The following WWOX variants were observed in gnomAD, a reference collection of about 807,000 sequenced individuals.
The protein encoded by WWOX is WW domain-containing oxidoreductase.
Under a neutral mutation model 46.2 loss-of-function variants are expected in WWOX, and 69 were observed. That is an observed-to-expected ratio of 1.49 (90% confidence interval 1.23 to 1.82). The LOEUF (loss-of-function observed/expected upper bound fraction) is 1.82. WWOX is among the 40% of genes most tolerant of loss of function. WWOX has a pLI of 0.00. For synonymous variants in WWOX, 359 were observed against 202.6 expected (o/e 1.77, Z -6.56); for missense variants, 919 against 542.6 (o/e 1.69, Z -6.89).
chr16:79,096,302 G>A (rs1490423120), intron 8 of WWOX, among the ~76,000 whole-genome samples: 1 of 152,020 alleles, frequency 6.6e-6, no homozygotes, highest in East Asian at 1.9e-4. Context: ...CTTTCTGAAG[G>A]CGTCCCCTGT....
intron 8 of WWOX, among the ~76,000 whole-genome samples, chr16:79,053,637 G>A (rs577852240): frequency 7.9e-5 from 12 of 152,238 alleles, no homozygotes; most frequent in Non-Finnish European, 1.3e-4. Flanking sequence ...TTTCTTTAAT[G>A]TTTTAAATAA....
intron 8 of WWOX, among the ~76,000 whole-genome samples, chr16:78,928,414 G>A (rs552374510): frequency 6.6e-6 from 1 of 151,966 alleles, no homozygotes; most frequent in South Asian, 2.1e-4. Flanking sequence ...GTGTTAGCCA[G>A]GATGGTCTCG....
intron 5 of WWOX, among the ~76,000 whole-genome samples, chr16:78,368,295 G>GT (rs1397650455): frequency 1.3e-5 from 2 of 152,172 alleles, no homozygotes; most frequent in Admixed American, 1.3e-4. Flanking sequence ...TCCTATATGA[G>GT]TGATGACAGG....
intron 1 of WWOX, among the ~76,000 whole-genome samples, chr16:78,107,192 C>A (rs371509286): frequency 1.4e-4 from 22 of 152,280 alleles, no homozygotes; most frequent in African/African-American, 5.3e-4. Flanking sequence ...TTAGGAAACG[C>A]AGCCTACCCT....
chr16:78,968,773 G>C (rs1281575270), intron 8 of WWOX, among the ~76,000 whole-genome samples: 1 of 152,132 alleles, frequency 6.6e-6, no homozygotes, highest in Admixed American at 6.5e-5. Context: ...GAAGATTAAA[G>C]CTATTGGAGA....
In WWOX at chr16:79,211,828, C is replaced by G. The variant is rs749461655; in HGVS notation, c.*32C>G. 6 of 1,613,024 alleles carry G rather than the reference C, an allele frequency of 3.7e-6. No homozygotes were observed. Among genetic ancestry groups the G allele is most frequent in the Non-Finnish European group, 5.1e-6 (6 of 1,179,780 alleles). On this transcript the variant is annotated 3_prime_UTR_variant, in exon 9 of 9. Transcript: ENST00000566780. ...CTCAGAGCGGATGGGCACACACACC[C>G]GCCCTGTGTGTGTCCCCTCACGCAA...
At position 78,652,304 on chromosome 16, in the gene WWOX, G is replaced by A. The variant is rs546368557; in HGVS notation, c.1056+219552G>A. ...AGCACCTGTAATCCCAGCTACTCGG[G>A]AGCCTGAGGCAGGAGAATCACTTGA... On this transcript the variant is annotated intron_variant, in intron 8 of 8. Transcript: ENST00000566780. Among the ~76,000 whole-genome samples, 447 of 150,668 alleles carry A rather than the reference G, an allele frequency of 3.0e-3. 3 individuals carry two copies. The highest frequency in any genetic ancestry group is 0.011 in the African/African-American group (437 of 41,018).
intron 8 of WWOX, among the ~76,000 whole-genome samples, chr16:78,962,647 C>G (rs1245971462): frequency 2.0e-5 from 3 of 152,116 alleles, no homozygotes; most frequent in South Asian, 2.1e-4. Flanking sequence ...CAGAATCTAA[C>G]TTGAGATGTA....
intron 5 of WWOX, chr16:78,168,319 G>A (rs979303964): frequency 6.6e-6 from 1 of 152,152 alleles, no homozygotes; most frequent in African/African-American, 2.4e-5. Flanking sequence ...CCAGCAGAAT[G>A]CTATTCTCAC....
chr16:78,647,364 C>CAA, intron 8 of WWOX, among the ~76,000 whole-genome samples: 1 of 152,188 alleles, frequency 6.6e-6, no homozygotes, highest in African/African-American at 2.4e-5. Flanking sequence ...CTCCTTCCAC[C>CAA]TGGGAGACTG....
At chr16:78,739,597 G>A (rs1176155014) in intron 8 of WWOX, among the ~76,000 whole-genome samples, 1 of 152,112 alleles carries the variant, frequency 6.6e-6, no homozygotes, top group Non-Finnish European at 1.5e-5. Flanking sequence ...AATCACCTGA[G>A]GTTAGGAGTT....
chr16:78,378,487 A>G (rs1221920122), intron 5 of WWOX, among the ~76,000 whole-genome samples: 3 of 152,152 alleles, frequency 2.0e-5, no homozygotes, highest in African/African-American at 4.8e-5. Flanking sequence ...CACCGTTACC[A>G]TTACTTAAAT....
At chr16:78,825,740 C>G in intron 8 of WWOX, 1 of 583,070 alleles carries the variant, frequency 1.7e-6, no homozygotes, top group Non-Finnish European at 3.3e-6. Flanking sequence ...TGTGGATGGC[C>G]TGATGATCCC....
intron 8 of WWOX, among the ~76,000 whole-genome samples, chr16:78,952,092 C>G (rs1052490029): frequency 3.3e-5 from 5 of 152,098 alleles, no homozygotes; most frequent in African/African-American, 9.7e-5. Context: ...ACCCAGTGAC[C>G]TAGCCCCCGT....
chr16:78,671,969 T>C (rs1054353643), intron 8 of WWOX, among the ~76,000 whole-genome samples: 17 of 152,286 alleles, frequency 1.1e-4, no homozygotes, highest in Admixed American at 9.2e-4. Context: ...GGAAAAAATA[T>C]GATCCTTGGC....
chr16:78,584,856 C>T (rs868774153), intron 8 of WWOX, among the ~76,000 whole-genome samples: 6 of 152,300 alleles, frequency 3.9e-5, no homozygotes, highest in Middle Eastern at 3.4e-3. Flanking sequence ...TTGTGCACGT[C>T]GGTGCGTGTA....
rs568793685 is a variant in WWOX, at chr16:78,831,961, C to A, written c.1057-379647C>A. On this transcript the variant is annotated intron_variant, in intron 8 of 8. Transcript: ENST00000566780. The stretch of plus-strand genomic sequence containing the variant: ...TTTGGTGATAACTACCTGTGTTGCT[C>A]TTGTCACTTTTGCCTGGATCCACTA... Among the ~76,000 whole-genome samples the A allele has an allele frequency of 1.2e-4, 18 of 152,286 alleles. No homozygotes were observed. The South Asian group carries it at 1.2e-3, about 11-fold the overall frequency.
intron 8 of WWOX, among the ~76,000 whole-genome samples, chr16:78,483,731 C>G (rs17776822): frequency 0.043 from 6,497 of 152,010 alleles, 307 homozygotes; most frequent in East Asian, 0.18. Flanking sequence ...TTTTCAAATG[C>G]AGCATCGCTT....
chr16:78,506,728 T>TG lies in WWOX; in HGVS notation c.1056+73977dup, dbSNP rs1555551203. 9.6e-3 allele frequency among the ~76,000 whole-genome samples: 894 copies of TG among 93,144 alleles called. 42 individuals are homozygous for TG. The highest frequency in any genetic ancestry group is 0.013 in the Non-Finnish European group (571 of 44,094). 61.1% of individuals were successfully genotyped at this position (93,144 alleles called of 152,430 possible). On this transcript the variant is annotated intron_variant, in intron 8 of 8. Transcript: ENST00000566780. ...TTTTTTTTTTTTTTTTTTTTTTTTT[T>TG]GTACAGAGTCTTGCTCTGTTGTCCA...
Sources: allele counts gnomAD v4.1 joint callset (sites outside exome capture counted in the v4.1 genomes callset), GRCh38; gene constraint gnomAD v4.1.1; transcripts MANE v1.5; gene names NCBI Gene and HGNC (gene_info 2026-07-23, HGNC 2026-07-21).